The following SLC4A11 variants were observed in gnomAD, a reference collection of about 807,000 sequenced individuals.
SLC4A11 encodes bicarbonate transporter related protein 1.
Under a neutral mutation model 95.0 loss-of-function variants are expected in SLC4A11, and 74 were observed. That is an observed-to-expected ratio of 0.78 (90% CI 0.65 to 0.95). SLC4A11 has a LOEUF of 0.95. SLC4A11 is among the 40% of genes least tolerant of loss of function. SLC4A11 has a pLI of 0.00. For synonymous variants in SLC4A11, 548 were observed against 519.0 expected (o/e 1.06, Z -0.76); for missense variants, 1,081 against 1,192.4 (o/e 0.91, Z 1.38).
At chr20:3,228,179 T>A in intron 19 of SLC4A11, 80 bp downstream of exon 19, 1 of 419,284 alleles carries the variant, frequency 2.4e-6, no homozygotes. Flanking sequence ...GTGGGACCCC[T>A]CCTCCCAGCC....
chr20:3,238,026 C>T, intron 1 of SLC4A11: 1 of 1,538,634 alleles, frequency 6.5e-7, no homozygotes, highest in Non-Finnish European at 8.8e-7. Flanking sequence ...CATCCCTCTT[C>T]TCACTCTCAG....
intron 11 of SLC4A11, 23 bp from the exon 12 acceptor site, chr20:3,230,670 G>T: frequency 1.2e-6 from 2 of 1,613,156 alleles, no homozygotes; most frequent in Non-Finnish European, 1.7e-6. Context: ...GGCAGGGCGG[G>T]TCAGGGCCCG....
intron 1 of SLC4A11, 74 bp downstream of exon 1, chr20:3,239,021 C>T: frequency 2.1e-6 from 3 of 1,443,500 alleles, no homozygotes; most frequent in Non-Finnish European, 2.7e-6. Context: ...GCGTTCTCCC[C>T]GGGGTCCCCG....
rs756510983 is a variant in SLC4A11, at chr20:3,238,102, G to T, written c.44-514C>A. ...TCCCCCGACCCCCGTCACGCGCCCCGGGTCACACGGGGGCCGACAGGCAAC... is the reference window on the plus strand; with the variant it reads ...TCCCCCGACCCCCGTCACGCGCCCCTGGTCACACGGGGGCCGACAGGCAAC... On this transcript the variant is annotated intron_variant, in intron 1 of 19. Coordinates refer to ENST00000642402, the MANE Select transcript of SLC4A11 (RefSeq NM_001174089.2). 6.8e-6 allele frequency: 10 copies of T among 1,460,952 alleles called. 1 individual carries two copies. Among genetic ancestry groups the T allele is most frequent in the Non-Finnish European group, 8.2e-6 (9 of 1,102,784 alleles). The allele number at this position is 1,460,952 out of a possible 1,614,324, so 90.5% of individuals were successfully genotyped here. A position where few individuals can be genotyped will look rare whatever the true frequency, so the allele number is the denominator to read the frequency against.
rs928352738 is a variant in SLC4A11, at chr20:3,237,756, G to A, written c.44-168C>T. ...AGCAGGGGACAGTGCTCGGGAGGGGGCCCCATAGCAGGGGAAGCCAGCCTT... is the reference window on the plus strand; with the variant it reads ...AGCAGGGGACAGTGCTCGGGAGGGGACCCCATAGCAGGGGAAGCCAGCCTT... On this transcript the variant is annotated intron_variant, in intron 1 of 19. Coordinates refer to ENST00000642402, the MANE Select transcript of SLC4A11 (RefSeq NM_001174089.2). 5.0e-6 allele frequency: 8 copies of A among 1,613,020 alleles called. No individual in the cohort carries two copies. The Admixed American group carries it at 1.2e-4, about 24-fold the overall frequency.
rs1425800280 is a variant in SLC4A11, at chr20:3,235,307, T to TCACACA, written c.89-414_89-413insTGTGTG. On this transcript the variant is annotated intron_variant, in intron 2 of 19. Coordinates refer to ENST00000642402, the MANE Select transcript of SLC4A11 (RefSeq NM_001174089.2). Reference sequence around the variant, plus strand: ...CTCTCTCTCTCTCTCTCTCTCTCTCTCTCACACACACACACACACACACAC... The same window carrying TCACACA: ...CTCTCTCTCTCTCTCTCTCTCTCTCTCACACACTCACACACACACACACACACACAC... 4.3e-3 allele frequency among the ~76,000 whole-genome samples: 476 copies of TCACACA among 110,892 alleles called. 1 individual carries two copies. The highest frequency in any genetic ancestry group is 6.7e-3 in the Non-Finnish European group (364 of 54,608). The allele number at this position is 110,892 out of a possible 152,430, so 72.7% of individuals were successfully genotyped here.
At position 3,231,012 on chromosome 20, in the gene SLC4A11, G is replaced by A. The variant is rs2122550222; in HGVS notation, c.1089C>T (p.Thr363=). The A allele has an allele frequency of 2.5e-6, 4 of 1,614,050 alleles. No individual in the cohort carries two copies. Among genetic ancestry groups the A allele is most frequent in the African/African-American group, 1.3e-5 (1 of 75,056 alleles). Residue 363 remains threonine (T), a synonymous_variant, in exon 10 of 20, where the codon ACC becomes ACT. Transcript: ENST00000642402. This position sits in a 1 kb window ranked among gnomAD's most constrained non-coding sequence, Gnocchi z 5.2. ...NKAVGKYITT[T]LFLYFACLLP... ...GGAGGCAGGCGAAGTAGAGGAACAG[G>A]GTGGTGGTGATGTATTTGCCCACAG...
In SLC4A11 at chr20:3,231,405, C is replaced by T; in HGVS notation, c.873G>A (p.Met291Ile). Reference protein sequence around the residue: ...ALVHQRQLLTMVSHGPVAPRT... With the variant: ...ALVHQRQLLTIVSHGPVAPRT... ...TCGGCGCCACTGGACCGTGGCTCAC[C>T]ATGGTGAGCAGCTGTCTCTGATGCA... The change falls in exon 8 of 20, where the codon ATG becomes ATA. Residue 291 changes from methionine (M) to isoleucine (I), a missense_variant. Transcript: ENST00000642402. This position sits in a 1 kb window ranked among gnomAD's most constrained non-coding sequence, Gnocchi z 5.2. 1 of 1,614,122 alleles carries T rather than the reference C, an allele frequency of 6.2e-7. No homozygotes were observed. Among genetic ancestry groups the T allele is most frequent in the Non-Finnish European group, 8.5e-7 (1 of 1,180,026 alleles).
At chr20:3,238,214 A>G in intron 1 of SLC4A11, 1 of 1,406,460 alleles carries the variant, frequency 7.1e-7, no homozygotes, top group Non-Finnish European at 9.2e-7. Context: ...TGGGAGGAGT[A>G]TCTGAGGGAC....
chr20:3,230,901 C>G, intron 10 of SLC4A11, 32 bp downstream of exon 10: 1 of 1,613,224 alleles, frequency 6.2e-7, no homozygotes, highest in South Asian at 1.1e-5. Context: ...GCCCAGCATA[C>G]CCCCACCCAC....
intron 12 of SLC4A11, 29 bp from the exon 13 acceptor site, chr20:3,230,289 G>A: frequency 6.2e-7 from 1 of 1,612,888 alleles, no homozygotes; most frequent in Non-Finnish European, 8.5e-7. Flanking sequence ...CCTCATCAGA[G>A]TGGGTGTGGT....
At chr20:3,238,292 G>T in intron 1 of SLC4A11, 2 of 1,253,684 alleles carry the variant, frequency 1.6e-6, no homozygotes, top group East Asian at 3.1e-5. Context: ...TTTGTGCCTC[G>T]CTGTCGGAGG....
chr20:3,234,998 C>A lies in SLC4A11; in HGVS notation c.89-104G>T. On this transcript the variant is annotated intron_variant, in intron 2 of 19. Coordinates refer to ENST00000642402, the MANE Select transcript of SLC4A11 (RefSeq NM_001174089.2). The surrounding 1 kb of genome is among the most constrained non-coding windows in gnomAD (Gnocchi z 5.8). ...AGGGACCCCTGGACTGTCCCACTCTCGGGCCGTGGTGGGAGAGGCCATCCC... is the reference window on the plus strand; with the variant it reads ...AGGGACCCCTGGACTGTCCCACTCTAGGGCCGTGGTGGGAGAGGCCATCCC... The A allele has an allele frequency of 6.9e-7, 1 of 1,455,780 alleles. No individual in the cohort carries two copies. The highest frequency in any genetic ancestry group is 9.6e-7 in the Non-Finnish European group (1 of 1,047,008). The allele number at this position is 1,455,780 out of a possible 1,614,324, so 90.2% of individuals were successfully genotyped here. A position where few individuals can be genotyped will look rare whatever the true frequency, so the allele number is the denominator to read the frequency against.
rs376940594 is a variant in SLC4A11 at position 3,228,889 on chromosome 20, C to T, written c.2141G>A (p.Arg714Gln). 58 of 1,613,806 alleles carry T rather than the reference C, an allele frequency of 3.6e-5. No homozygotes were observed. Among genetic ancestry groups the T allele is most frequent in the Non-Finnish European group, 4.7e-5 (56 of 1,180,036 alleles). The change falls in exon 17 of 20, where the codon CGA becomes CAA. Residue 714 changes from arginine to glutamine, a missense_variant. Transcript: ENST00000642402. Reference protein sequence around the residue: ...AAYPHSPLHVRALALVEERVE... With the variant: ...AAYPHSPLHVQALALVEERVE... ...ACGCTCCTCCACTAAGGCCAGGGCT[C>T]GCACGTGCAGCGGGGAGTGGGGGTA... is the stretch of plus-strand genomic sequence containing the variant.
chr20:3,237,980 C>G, intron 1 of SLC4A11: 2 of 1,549,842 alleles, frequency 1.3e-6, no homozygotes, highest in South Asian at 2.4e-5. Context: ...CTCTCCCCCT[C>G]TCTCCTCGGA....
Position 3,228,892 on chromosome 20 carries a change from A to T in SLC4A11, c.2138T>A (p.Val713Glu). 2 of 1,613,916 alleles carry T rather than the reference A, an allele frequency of 1.2e-6. No individual in the cohort carries two copies. The highest frequency in any genetic ancestry group is 1.7e-6 in the Non-Finnish European group (2 of 1,180,024). The change falls in exon 17 of 20, where the codon GTG becomes GAG. Residue 713 changes from valine (V) to glutamate (E), a missense_variant. This residue lies in a region of SLC4A11 where 767 missense variants were observed against 858.0 expected (regional missense o/e 0.89). Coordinates refer to ENST00000642402, the MANE Select transcript of SLC4A11 (RefSeq NM_001174089.2). ...HAAYPHSPLH[V>E]RALALVEERV... ...CTCCTCCACTAAGGCCAGGGCTCGC[A>T]CGTGCAGCGGGGAGTGGGGGTAGGC...
intron 1 of SLC4A11, chr20:3,238,417 A>G: frequency 9.5e-7 from 1 of 1,051,468 alleles, no homozygotes; most frequent in Non-Finnish European, 1.1e-6. Context: ...CCGGGGCTGC[A>G]TCCTGAAGTG....
Position 3,234,978 on chromosome 20 carries a change from C to CTTGT in SLC4A11, c.89-85_89-84insACAA, listed in dbSNP as rs2067923043. 28 of 1,546,490 alleles carry CTTGT rather than the reference C, an allele frequency of 1.8e-5. No homozygotes were observed. The highest frequency in any genetic ancestry group is 2.2e-5 in the Non-Finnish European group (25 of 1,122,798). On this transcript the variant is annotated intron_variant, in intron 2 of 19. Coordinates refer to ENST00000642402, the MANE Select transcript of SLC4A11 (RefSeq NM_001174089.2). This position sits in a 1 kb window ranked among gnomAD's most constrained non-coding sequence, Gnocchi z 5.8. ...GGGCTCCAAGCCCAGGGAGCAGGGACCCCTGGACTGTCCCACTCTCGGGCC... is the reference window on the plus strand; with the variant it reads ...GGGCTCCAAGCCCAGGGAGCAGGGACTTGTCCCTGGACTGTCCCACTCTCGGGCC...
intron 2 of SLC4A11, among the ~76,000 whole-genome samples, chr20:3,235,280 GTCTCTC>G (rs143173251): frequency 6.9e-4 from 70 of 101,220 alleles, no homozygotes; most frequent in Admixed American, 2.3e-3. Flanking sequence ...CAGTATCCAC[GTCTCTC>G]TCTCTCTCTC....
Sources: allele counts gnomAD v4.1 joint callset (sites outside exome capture counted in the v4.1 genomes callset), GRCh38; gene constraint gnomAD v4.1.1; regional missense constraint gnomAD v4.1.1; non-coding constraint Gnocchi (gnomAD v3.1); transcripts MANE v1.5; gene names NCBI Gene and HGNC (gene_info 2026-07-23, HGNC 2026-07-21).